The following THBS4 variants were observed in gnomAD, a reference collection of about 807,000 sequenced individuals.
THBS4 encodes thrombospondin-4.
THBS4 carries 90 observed loss-of-function variants against 115.7 expected under a neutral mutation model. That is an observed-to-expected ratio of 0.78 (90% CI 0.66 to 0.93). The LOEUF (loss-of-function observed/expected upper bound fraction) is 0.93. THBS4 is among the 40% of genes least tolerant of loss of function. THBS4 has a pLI of 0.00. For missense variants in THBS4, 1,087 were observed against 1,232.7 expected (o/e 0.88, Z 1.77); for synonymous variants, 460 against 479.3 (o/e 0.96, Z 0.53).
At chr5:80,082,637 C>G in intron 21 of THBS4, 92 bp downstream of exon 21, 1 of 1,498,256 alleles carries the variant, frequency 6.7e-7, no homozygotes, top group Non-Finnish European at 9.2e-7. Flanking sequence ...CCCCCAAAAG[C>G]CCAACGCTCA....
At chr5:80,055,701 G>T in intron 2 of THBS4, 84 bp from the exon 3 acceptor site, 1 of 1,544,388 alleles carries the variant, frequency 6.5e-7, no homozygotes. Flanking sequence ...GTTCAGCACA[G>T]GACACTTATC....
chr5:80,066,811 G>A (rs1424047571), intron 9 of THBS4: 1 of 152,090 alleles, frequency 6.6e-6, no homozygotes, highest in South Asian at 2.1e-4. Context: ...GCCACCTAGA[G>A]AGAAGGAAAG....
chr5:80,027,943 C>T (rs1362233874), intron 2 of THBS4, among the ~76,000 whole-genome samples: 3 of 146,220 alleles, frequency 2.1e-5, no homozygotes, highest in African/African-American at 7.6e-5. Context: ...AATACCATAA[C>T]TCCTCCCTCC....
chr5:80,054,314 T>G, intron 2 of THBS4, among the ~76,000 whole-genome samples: 2 of 124,970 alleles, frequency 1.6e-5, no homozygotes, highest in Non-Finnish European at 1.6e-5. Context: ...CCACCACACC[T>G]GGCCTTTTTT....
chr5:80,005,829 C>T (rs936607071), intron 2 of THBS4, among the ~76,000 whole-genome samples: 27 of 142,448 alleles, frequency 1.9e-4, no homozygotes, highest in Middle Eastern at 4.1e-3. Flanking sequence ...TGCAGTGGCG[C>T]GATCTCGGCT....
chr5:80,066,386 C>T (rs1008930844), intron 9 of THBS4: 1 of 152,188 alleles, frequency 6.6e-6, no homozygotes, highest in African/African-American at 2.4e-5. Flanking sequence ...ACAACAACCT[C>T]ATAAACAGGG....
chr5:80,001,864 A>G (rs1276128951), intron 2 of THBS4, among the ~76,000 whole-genome samples: 1 of 152,088 alleles, frequency 6.6e-6, no homozygotes, highest in African/African-American at 2.4e-5. Context: ...TTACATGAGG[A>G]TTTTTGCCCA....
upstream of THBS4, among the ~76,000 whole-genome samples, chr5:80,035,183 T>C (rs1318733923): frequency 6.6e-6 from 1 of 151,778 alleles, no homozygotes; most frequent in Non-Finnish European, 1.5e-5. The surrounding 1 kb of genome is among the most constrained non-coding windows in gnomAD (Gnocchi z 4.6). Context: ...CCGTCCAGGC[T>C]CCTTCCCATC....
At chr5:80,063,886 CAA>C (rs961254824) in intron 8 of THBS4, among the ~76,000 whole-genome samples, 4 of 152,216 alleles carry the variant, frequency 2.6e-5, no homozygotes, top group African/African-American at 9.6e-5. Context: ...TGTCCAGAAA[CAA>C]AGAGAAAACT....
intron 2 of THBS4, among the ~76,000 whole-genome samples, chr5:80,027,939 A>G (rs574034204): frequency 2.4e-4 from 37 of 151,426 alleles, no homozygotes; most frequent in South Asian, 1.9e-3. Context: ...CTAAAATACC[A>G]TAACTCCTCC....
chr5:80,036,184 A>T, intron 1 of THBS4: 1 of 985,488 alleles, frequency 1.0e-6, no homozygotes, highest in Non-Finnish European at 1.2e-6. Flanking sequence ...TGAGGTAAAT[A>T]GGAAGGGCTG....
chr5:80,055,706 C>T (rs1332401206), intron 2 of THBS4, 79 bp from the exon 3 acceptor site: 1 of 1,552,828 alleles, frequency 6.4e-7, no homozygotes, highest in African/African-American at 1.4e-5. Context: ...GCACAGGACA[C>T]TTATCACACC....
chr5:79,996,225 G>A (rs1831791702), intron 1 of THBS4, among the ~76,000 whole-genome samples: 5 of 152,136 alleles, frequency 3.3e-5, no homozygotes, highest in Admixed American at 3.3e-4. Context: ...AGTCGTAAAG[G>A]TCAAATGTAA....
At chr5:80,075,121 GTTA>G (rs1460880478) in intron 15 of THBS4, 1 of 152,108 alleles carries the variant, frequency 6.6e-6, no homozygotes, top group Non-Finnish European at 1.5e-5. Context: ...TAGGTAAATA[GTTA>G]TTATACTGCA....
intron 2 of THBS4, among the ~76,000 whole-genome samples, chr5:80,047,992 G>A (rs1212366768): frequency 1.3e-5 from 2 of 152,016 alleles, no homozygotes; most frequent in South Asian, 2.1e-4. Context: ...GTACATGCCT[G>A]TAGTTCCAGC....
intron 2 of THBS4, among the ~76,000 whole-genome samples, chr5:80,041,390 G>A (rs1202847641): frequency 1.3e-5 from 2 of 152,154 alleles, no homozygotes; most frequent in African/African-American, 4.8e-5. Flanking sequence ...TGAATTTGAT[G>A]GGGCGGGAGG....
intron 11 of THBS4, 102 bp from the exon 12 acceptor site, chr5:80,070,541 A>C: frequency 7.2e-7 from 1 of 1,386,574 alleles, no homozygotes. Context: ...AGAGGAAGTG[A>C]AACAGCCACC....
intron 2 of THBS4, among the ~76,000 whole-genome samples, chr5:80,010,348 C>T (rs542763176): frequency 2.9e-4 from 44 of 152,302 alleles, no homozygotes; most frequent in Middle Eastern, 6.8e-3. Flanking sequence ...TGATAATTCT[C>T]TCACCTACCA....
In THBS4 at chr5:80,058,711, A is replaced by G. The variant is rs1833515542; in HGVS notation, c.653A>G (p.Asp218Gly). ...SEPLAATGTG[D>G]FNRQFLGQMT... is the part of the protein sequence containing the mutation. ...TTGCCTTTTGCTGTTCCTACAGGGGACTTTAACCGGCAGTTCTTGGGTCAA... is the reference window on the plus strand; with the variant it reads ...TTGCCTTTTGCTGTTCCTACAGGGGGCTTTAACCGGCAGTTCTTGGGTCAA... Residue 218 changes from aspartate (D) to glycine (G), a missense_variant, in exon 5 of 22, where the codon GAC becomes GGC. Asp to Gly is a moderately conservative substitution (Grantham distance 94, BLOSUM62 -1). Transcript: ENST00000350881. 6.2e-7 allele frequency: 1 copy of G among 1,614,102 alleles called. No homozygotes were observed. Among genetic ancestry groups the G allele is most frequent in the African/African-American group, 1.3e-5 (1 of 75,032 alleles).
Sources: gnomAD v4.1 joint callset for allele counts (sites outside exome capture counted in the v4.1 genomes callset) on GRCh38, gnomAD v4.1.1 for gene constraint, Gnocchi (gnomAD v3.1) non-coding constraint, MANE v1.5 for transcripts, NCBI Gene and HGNC (gene_info 2026-07-23, HGNC 2026-07-21) for gene names.